The following LRRC37A2 variants were observed in gnomAD, a reference collection of about 807,000 sequenced individuals.
The protein encoded by LRRC37A2 is leucine rich repeat containing 37 member A2.
In LRRC37A2, 9 loss-of-function variants were observed where a neutral mutation model predicts 68.8. That is an observed-to-expected ratio of 0.13 (90% CI 0.08 to 0.23). LRRC37A2 has a LOEUF of 0.23. LRRC37A2 is among the 10% of genes least tolerant of loss of function. The pLI, the probability that LRRC37A2 is intolerant of heterozygous loss-of-function variation, is 1.00. For synonymous variants in LRRC37A2, 63 were observed against 367.6 expected (o/e 0.17, Z 9.48); for missense variants, 168 against 950.4 (o/e 0.18, Z 10.82).
the LRRC37A2 span, chr17:46,726,572 C>T: frequency 2.5e-6 from 4 of 1,613,866 alleles, no homozygotes; most frequent in Non-Finnish European, 3.4e-6. Flanking sequence ...CGTACAAATC[C>T]CAGCTCAGTT....
At chr17:46,712,023 T>C in the LRRC37A2 span, among the ~76,000 whole-genome samples, 1 of 152,186 alleles carries the variant, frequency 6.6e-6, no homozygotes, top group East Asian at 1.9e-4. Context: ...AAGCCATTTG[T>C]AGGATTTTAA....
the LRRC37A2 span, chr17:46,773,639 C>T: frequency 1.1e-6 from 1 of 883,832 alleles, no homozygotes; most frequent in Non-Finnish European, 1.6e-6. Context: ...CACCCAGCCC[C>T]TCCCCCCCCC....
At chr17:46,847,833 G>A in the LRRC37A2 span, among the ~76,000 whole-genome samples, 18 of 152,350 alleles carry the variant, frequency 1.2e-4, no homozygotes, top group Non-Finnish European at 2.5e-4. Flanking sequence ...GTTCCTGAGG[G>A]TTTGTTTCAG....
At chr17:46,495,007 C>A in the LRRC37A2 span, among the ~76,000 whole-genome samples, 11,543 of 136,682 alleles carry the variant, frequency 0.084, 5 homozygotes, top group Non-Finnish European at 0.13. Context: ...CATCATTCTA[C>A]TGCCTATCTC....
the LRRC37A2 span, among the ~76,000 whole-genome samples, chr17:46,744,555 G>A: frequency 6.6e-6 from 1 of 151,772 alleles, no homozygotes; most frequent in South Asian, 2.1e-4. Context: ...CTTTACTTTT[G>A]TTCATAGGTT....
At chr17:46,997,181 T>G in the LRRC37A2 span, among the ~76,000 whole-genome samples, 106,274 of 151,806 alleles carry the variant, frequency 0.7, 37,810 homozygotes, top group Middle Eastern at 0.78. Flanking sequence ...TGAAACCCCA[T>G]CTGTACTAAA....
chr17:46,801,641 T>C, the LRRC37A2 span, among the ~76,000 whole-genome samples: 43 of 147,648 alleles, frequency 2.9e-4, no homozygotes, highest in East Asian at 6.4e-3. Context: ...TGAATTGAAT[T>C]GAATTAAATT....
At chr17:47,002,672 G>A in the LRRC37A2 span, among the ~76,000 whole-genome samples, 10,478 of 152,168 alleles carry the variant, frequency 0.069, 497 homozygotes, top group South Asian at 0.13. Flanking sequence ...TTACAGGCAT[G>A]AGCCACCACG....
chr17:46,710,853 T>C, the LRRC37A2 span: 3 of 899,324 alleles, frequency 3.3e-6, no homozygotes, highest in Non-Finnish European at 4.9e-6. Flanking sequence ...TTTATATTAA[T>C]ATGGGATAGT....
At chr17:46,755,115 G>A in the LRRC37A2 span, among the ~76,000 whole-genome samples, 1 of 152,362 alleles carries the variant, frequency 6.6e-6, no homozygotes, top group East Asian at 1.9e-4. Flanking sequence ...CATAGTTCTG[G>A]AAAACCCCAT....
the LRRC37A2 span, among the ~76,000 whole-genome samples, chr17:46,882,230 C>A: frequency 6.6e-5 from 10 of 152,258 alleles, no homozygotes; most frequent in African/African-American, 1.7e-4. Flanking sequence ...AGGCATTGCA[C>A]GTTGTTTTCA....
chr17:46,610,177 G>T, the LRRC37A2 span, among the ~76,000 whole-genome samples: 1 of 93,828 alleles, frequency 1.1e-5, no homozygotes, highest in Admixed American at 1.2e-4. Context: ...TATTGCCCAG[G>T]CTGGTCTTGA....
chr17:47,029,042 G>C, the LRRC37A2 span, among the ~76,000 whole-genome samples: 1 of 152,102 alleles, frequency 6.6e-6, no homozygotes. Flanking sequence ...AGCAGGTCAT[G>C]GTGGCGGGCG....
At chr17:46,675,429 TC>T in the LRRC37A2 span, among the ~76,000 whole-genome samples, 1 of 125,770 alleles carries the variant, frequency 8.0e-6, no homozygotes, top group East Asian at 3.6e-4. Context: ...CATCAGCTCT[TC>T]CTGGCTTGGA....
the LRRC37A2 span, among the ~76,000 whole-genome samples, chr17:46,779,820 G>A: frequency 0.013 from 1,977 of 152,140 alleles, 42 homozygotes; most frequent in African/African-American, 0.046. Flanking sequence ...AGTACAAAGC[G>A]TGATCTTGGC....
chr17:46,755,418 T>C, the LRRC37A2 span: 1 of 1,418,140 alleles, frequency 7.1e-7, no homozygotes, highest in Non-Finnish European at 1.0e-6. Context: ...TACCACCCTG[T>C]TAAATCCCTG....
chr17:46,869,426 G>A, the LRRC37A2 span, among the ~76,000 whole-genome samples: 1 of 152,210 alleles, frequency 6.6e-6, no homozygotes, highest in Non-Finnish European at 1.5e-5. Context: ...ATTGTGGTTG[G>A]AGTGGAGCCG....
At chr17:46,851,630 G>A in the LRRC37A2 span, 1 of 1,267,836 alleles carries the variant, frequency 7.9e-7, no homozygotes, top group Non-Finnish European at 9.9e-7. This position sits in a 1 kb window ranked among gnomAD's most constrained non-coding sequence, Gnocchi z 4.3. Context: ...GCGCAGCGCC[G>A]CCAGCACCAT....
the LRRC37A2 span, among the ~76,000 whole-genome samples, chr17:46,823,898 C>T: frequency 6.6e-6 from 1 of 152,140 alleles, no homozygotes; most frequent in Non-Finnish European, 1.5e-5. Context: ...GAGCTGTCAG[C>T]GTTAAATGAG....
Sources: gnomAD v4.1 joint callset for allele counts (sites outside exome capture counted in the v4.1 genomes callset) on GRCh38, gnomAD v4.1.1 for gene constraint, Gnocchi (gnomAD v3.1) non-coding constraint, MANE v1.5 for transcripts, NCBI Gene and HGNC (gene_info 2026-07-23, HGNC 2026-07-21) for gene names.